Variants in SETBP1 observed in about 807,000 individuals in gnomAD.
The protein encoded by SETBP1 is SET-binding protein.
SETBP1 carries 9 observed loss-of-function variants against 101.0 expected under a neutral mutation model. The observed-to-expected ratio is 0.09, with a 90% CI of 0.05 to 0.16. The LOEUF (loss-of-function observed/expected upper bound fraction) is 0.16. Ranked by LOEUF, SETBP1 falls within the 10% of genes least tolerant of loss-of-function variation. The probability of loss-of-function intolerance (pLI) is 1.00; values close to 1 mark genes in which losing one functional copy is unlikely to be tolerated. For missense variants in SETBP1, 1,858 were observed against 2,033.8 expected (o/e 0.91, Z 1.66); for synonymous variants, 818 against 788.5 (o/e 1.04, Z -0.63).
At chr18:44,694,281 G>C (rs569078741) in intron 1 of SETBP1, among the ~76,000 whole-genome samples, 1 of 152,072 alleles carries the variant, frequency 6.6e-6, no homozygotes, top group Non-Finnish European at 1.5e-5. Flanking sequence ...GTGCGATCTC[G>C]GCTCTCTGCA....
Position 44,951,230 on chromosome 18 carries a change from G to A in SETBP1, c.1890G>A (p.Ala630=), listed in dbSNP as rs756278146. The A allele has an allele frequency of 1.3e-5, 21 of 1,613,978 alleles. No individual in the cohort carries two copies. The African/African-American group carries it at 1.3e-4, about 10-fold the overall frequency. The part of the protein sequence containing the change: ...TKKRKRRRNL[A]KLAQLVPGED... ...AAAGAAAGCGACGACGCAATTTAGC[G>A]AAGTTGGCCCAGCTAGTGCCGGGAG... The change falls in exon 4 of 6, where the codon GCG becomes GCA. Residue 630 remains alanine (A), a synonymous_variant. Transcript: ENST00000649279. The surrounding 1 kb of genome is among the most constrained non-coding windows in gnomAD (Gnocchi z 7.8).
At chr18:44,802,201 G>C (rs1315570194) in intron 2 of SETBP1, among the ~76,000 whole-genome samples, 1 of 152,152 alleles carries the variant, frequency 6.6e-6, no homozygotes, top group Non-Finnish European at 1.5e-5. Context: ...TTCTGAAACA[G>C]AGACAGTCAT....
intron 2 of SETBP1, among the ~76,000 whole-genome samples, chr18:44,781,528 C>G (rs1194010737): frequency 6.9e-6 from 1 of 145,132 alleles, no homozygotes; most frequent in Admixed American, 6.9e-5. Context: ...CTGTCTCTCT[C>G]TATATCTCAG....
intron 2 of SETBP1, among the ~76,000 whole-genome samples, chr18:44,811,357 C>T (rs1247972038): frequency 2.6e-5 from 4 of 152,262 alleles, no homozygotes; most frequent in African/African-American, 7.2e-5. Context: ...TTGCTCACAC[C>T]TGTGTGTACA....
intron 2 of SETBP1, among the ~76,000 whole-genome samples, chr18:44,708,719 C>T (rs560127545): frequency 4.7e-4 from 69 of 146,334 alleles, no homozygotes; most frequent in African/African-American, 1.7e-3. Flanking sequence ...CCCTGCTTCT[C>T]AGCTTCTACA....
chr18:44,758,622 T>C (rs1054859347), intron 2 of SETBP1, among the ~76,000 whole-genome samples: 1 of 152,222 alleles, frequency 6.6e-6, no homozygotes, highest in African/African-American at 2.4e-5. Flanking sequence ...GACCTCGTGA[T>C]CCACCTGCCT....
rs1555645153 is a variant in SETBP1 at position 45,013,434 on chromosome 18, C to CT, written c.4001-25042dup. On this transcript the variant is annotated intron_variant, in intron 4 of 5. Transcript: ENST00000649279. Reference sequence around the variant, plus strand: ...TGACTCTTTCTTTCTTTCTTTCTTTCTTTTTTTTTGTTTTTTGTTTTTTGA... The same window carrying CT: ...TGACTCTTTCTTTCTTTCTTTCTTTCTTTTTTTTTTGTTTTTTGTTTTTTGA... Among the ~76,000 whole-genome samples, 154 of 150,504 alleles carry CT rather than the reference C, an allele frequency of 1.0e-3. 1 individual carries two copies. Among genetic ancestry groups the CT allele is most frequent in the East Asian group, 7.8e-4 (4 of 5,160 alleles).
chr18:44,776,319 G>A (rs1385202106), intron 2 of SETBP1, among the ~76,000 whole-genome samples: 2 of 152,064 alleles, frequency 1.3e-5, no homozygotes, highest in Non-Finnish European at 2.9e-5. Context: ...CCCTCTTTTC[G>A]CTCCATAGCA....
intron 3 of SETBP1, among the ~76,000 whole-genome samples, chr18:44,895,037 C>T (rs1249373760): frequency 6.7e-6 from 1 of 149,022 alleles, no homozygotes; most frequent in African/African-American, 2.5e-5. Context: ...TCACTTGAGC[C>T]CAGGAATTCA....
At chr18:45,035,402 A>G (rs569481097) in intron 4 of SETBP1, among the ~76,000 whole-genome samples, 2 of 152,230 alleles carry the variant, frequency 1.3e-5, no homozygotes, top group Non-Finnish European at 2.9e-5. Flanking sequence ...GTGACCATCT[A>G]AATTATAGAA....
chr18:45,025,568 T>G (rs1229565894), intron 4 of SETBP1, among the ~76,000 whole-genome samples: 1 of 152,188 alleles, frequency 6.6e-6, no homozygotes, highest in Non-Finnish European at 1.5e-5. Flanking sequence ...TATCTACATG[T>G]GCATGCCTGC....
At chr18:44,823,999 T>C (rs1167057094) in intron 2 of SETBP1, among the ~76,000 whole-genome samples, 1 of 152,228 alleles carries the variant, frequency 6.6e-6, no homozygotes, top group Non-Finnish European at 1.5e-5. Flanking sequence ...TGAGGATGAC[T>C]GTTCAGTGTC....
chr18:44,948,339 G>T (rs2071257073), intron 3 of SETBP1, among the ~76,000 whole-genome samples: 1 of 152,148 alleles, frequency 6.6e-6, no homozygotes, highest in African/African-American at 2.4e-5. Flanking sequence ...CTAGTGTGAA[G>T]GAAATCCTGG....
At chr18:44,875,278 T>C (rs561516771) in intron 3 of SETBP1, among the ~76,000 whole-genome samples, 5 of 151,936 alleles carry the variant, frequency 3.3e-5, no homozygotes, top group Non-Finnish European at 7.4e-5. Context: ...ACCAACACAT[T>C]GGGAGGCCAA....
chr18:44,877,341 G>A (rs1770150317), intron 3 of SETBP1: 1 of 926,974 alleles, frequency 1.1e-6, no homozygotes, highest in African/African-American at 1.8e-5. Context: ...CTTCATCAAA[G>A]ATCGTTTGAT....
intron 2 of SETBP1, among the ~76,000 whole-genome samples, chr18:44,854,504 T>C (rs1229506558): frequency 2.0e-5 from 3 of 152,138 alleles, no homozygotes; most frequent in African/African-American, 7.2e-5. Flanking sequence ...TGTGTGTTAG[T>C]GTTCTGCATT....
chr18:45,022,432 C>T (rs961078371), intron 4 of SETBP1, among the ~76,000 whole-genome samples: 5 of 152,204 alleles, frequency 3.3e-5, no homozygotes, highest in South Asian at 2.1e-4. Flanking sequence ...AGTGCAACCA[C>T]CTTCTCAGTG....
intron 2 of SETBP1, among the ~76,000 whole-genome samples, chr18:44,823,449 T>G (rs1344955207): frequency 6.6e-6 from 1 of 152,216 alleles, no homozygotes; most frequent in Non-Finnish European, 1.5e-5. Context: ...AATAAATGAT[T>G]CAGCAGGAAA....
chr18:44,737,766 G>A (rs2070002185), intron 2 of SETBP1, among the ~76,000 whole-genome samples: 1 of 152,232 alleles, frequency 6.6e-6, no homozygotes, highest in Non-Finnish European at 1.5e-5. Context: ...TTCCAGAACA[G>A]GGATTCTTAG....
Sources: allele counts gnomAD v4.1 joint callset (sites outside exome capture counted in the v4.1 genomes callset), GRCh38; gene constraint gnomAD v4.1.1; non-coding constraint Gnocchi (gnomAD v3.1); transcripts MANE v1.5; gene names NCBI Gene and HGNC (gene_info 2026-07-23, HGNC 2026-07-21).